Variants in ZNF827 observed in about 807,000 individuals in gnomAD.
The protein encoded by ZNF827 is zinc finger protein 827.
A neutral mutation model predicts 102.4 loss-of-function variants in ZNF827; 13 were observed. The observed-to-expected ratio is 0.13, with a 90% CI of 0.08 to 0.20. The LOEUF (loss-of-function observed/expected upper bound fraction) is 0.20. Among genes scored for constraint, ZNF827 ranks in the 10% least tolerant of loss-of-function variants. The pLI is 1.00. For missense variants in ZNF827, 1,103 were observed against 1,344.4 expected, an observed-to-expected ratio of 0.82 and a Z score of 2.81; for synonymous variants, 523 against 536.2, an observed-to-expected ratio of 0.98 and a Z score of 0.34.
chr4:145,825,079 G>A (rs887274309), intron 7 of ZNF827, among the ~76,000 whole-genome samples: 2 of 152,300 alleles, frequency 1.3e-5, no homozygotes, highest in African/African-American at 4.8e-5. Flanking sequence ...CAGATATGTC[G>A]CTTTCTACCA....
intron 1 of ZNF827, among the ~76,000 whole-genome samples, chr4:145,930,395 A>T (rs562272918): frequency 6.6e-6 from 1 of 152,188 alleles, no homozygotes; most frequent in Non-Finnish European, 1.5e-5. Context: ...TTCCCTTCAC[A>T]TCACAATTCT....
At chr4:145,913,997 A>C (rs952108389) in intron 1 of ZNF827, among the ~76,000 whole-genome samples, 3 of 152,100 alleles carry the variant, frequency 2.0e-5, no homozygotes, top group Non-Finnish European at 4.4e-5. Context: ...ATAGCATTCT[A>C]TGGATAGATA....
chr4:145,921,351 A>G (rs1420101693), intron 1 of ZNF827, among the ~76,000 whole-genome samples: 1 of 151,954 alleles, frequency 6.6e-6, no homozygotes, highest in Non-Finnish European at 1.5e-5. Context: ...GAAAATGCCT[A>G]AAAGATCTTA....
chr4:145,893,120 T>C (rs1325899932), intron 2 of ZNF827, among the ~76,000 whole-genome samples: 3 of 152,220 alleles, frequency 2.0e-5, no homozygotes, highest in African/African-American at 7.2e-5. Flanking sequence ...CTGGGCCTCA[T>C]TGCCCACTTT....
At chr4:145,921,947 A>T (rs1753099732) in intron 1 of ZNF827, among the ~76,000 whole-genome samples, 1 of 152,220 alleles carries the variant, frequency 6.6e-6, no homozygotes, top group Admixed American at 6.5e-5. Flanking sequence ...TATTTACAAG[A>T]AACAAAGGTA....
At position 145,759,350 on chromosome 4, in the gene ZNF827, C is replaced by G. The variant is rs1734214513; in HGVS notation, c.*2266G>C. 1 of 152,182 alleles carries G rather than the reference C, an allele frequency of 6.6e-6. No individual in the cohort carries two copies. The highest frequency in any genetic ancestry group is 1.5e-5 in the Non-Finnish European group (1 of 68,040). 9.4% of individuals were successfully genotyped at this position (152,182 alleles called of 1,614,324 possible). Reference sequence around the variant, plus strand: ...AAAGAGCTTTACAACCAACCCACACCTGCTTCCTGCTGCAATAAAGTGCTG... The same window carrying G: ...AAAGAGCTTTACAACCAACCCACACGTGCTTCCTGCTGCAATAAAGTGCTG... On this transcript the variant is annotated 3_prime_UTR_variant, in exon 15 of 15. Coordinates refer to ENST00000508784, the MANE Select transcript of ZNF827 (RefSeq NM_001306215.2).
chr4:145,916,510 A>G (rs552867573), intron 1 of ZNF827, among the ~76,000 whole-genome samples: 1 of 152,216 alleles, frequency 6.6e-6, no homozygotes, highest in South Asian at 2.1e-4. Context: ...TGGGCCTGTG[A>G]TGGAAGGGGA....
In ZNF827 at chr4:145,938,371, G is replaced by C; in HGVS notation, c.37C>G (p.Pro13Ala). Residue 13 changes from proline (P) to alanine (A), a missense_variant, in exon 1 of 15, where the codon CCC becomes GCC. Physicochemically the swap from Pro to Ala is conservative, Grantham distance 27. Transcript: ENST00000508784. ...RRKQEQPKRL[P>A]SHVSRQEEAE... Reference sequence around the variant, plus strand: ...TGGAGAAGGGATGACTTACGTGAGGGAAGGCGCTTGGGCTGCTCCTGCTTC... The same window carrying C: ...TGGAGAAGGGATGACTTACGTGAGGCAAGGCGCTTGGGCTGCTCCTGCTTC... The C allele has an allele frequency of 1.9e-6, 3 of 1,613,554 alleles. No homozygotes were observed. The highest frequency in any genetic ancestry group is 2.5e-6 in the Non-Finnish European group (3 of 1,179,972).
At chr4:145,875,190 T>G (rs1384175329) in intron 4 of ZNF827, among the ~76,000 whole-genome samples, 1 of 152,216 alleles carries the variant, frequency 6.6e-6, no homozygotes, top group Non-Finnish European at 1.5e-5. Context: ...ATCATTTGTT[T>G]TAACAACGTA....
At chr4:145,782,336 C>T (rs1221700656) in intron 8 of ZNF827, among the ~76,000 whole-genome samples, 1 of 152,144 alleles carries the variant, frequency 6.6e-6, no homozygotes, top group African/African-American at 2.4e-5. Flanking sequence ...GAAGCAAAGG[C>T]CCGTTCTTTT....
chr4:145,916,264 G>A (rs1752659802), intron 1 of ZNF827, among the ~76,000 whole-genome samples: 1 of 152,224 alleles, frequency 6.6e-6, no homozygotes, highest in Non-Finnish European at 1.5e-5. Flanking sequence ...GATGAAGGAA[G>A]CCATATGCCC....
chr4:145,898,612 C>T (rs1035424428), intron 2 of ZNF827, among the ~76,000 whole-genome samples: 1 of 152,168 alleles, frequency 6.6e-6, no homozygotes, highest in African/African-American at 2.4e-5. Context: ...TCTATCGTGT[C>T]CCCTTTCAGA....
chr4:145,936,280 C>T (rs894372049), intron 1 of ZNF827, among the ~76,000 whole-genome samples: 1 of 152,112 alleles, frequency 6.6e-6, no homozygotes, highest in Admixed American at 6.6e-5. Context: ...CAGCGCGGAG[C>T]CTCCCAACTC....
At chr4:145,796,393 C>T (rs941097100) in intron 8 of ZNF827, among the ~76,000 whole-genome samples, 15 of 152,076 alleles carry the variant, frequency 9.9e-5, no homozygotes, top group Non-Finnish European at 1.9e-4. Flanking sequence ...ATTAGGTTAG[C>T]GGAGCAAGGA....
intron 1 of ZNF827, among the ~76,000 whole-genome samples, chr4:145,904,158 G>A (rs1156812701): frequency 6.6e-6 from 1 of 152,116 alleles, no homozygotes; most frequent in Non-Finnish European, 1.5e-5. Context: ...CTTTTCTCAC[G>A]ATATTCCTTC....
In ZNF827 at chr4:145,760,977, G is replaced by T. The variant is rs1346797981; in HGVS notation, c.*639C>A. On this transcript the variant is annotated 3_prime_UTR_variant, in exon 15 of 15. Coordinates refer to ENST00000508784, the MANE Select transcript of ZNF827 (RefSeq NM_001306215.2). ...ACTTGTCAAAGCGCAAAGGGGAGCC[G>T]TTGAAGGCCAAAGCCTTGAGTGCCA... 8.0e-7 allele frequency: 1 copy of T among 1,246,470 alleles called. No homozygotes were observed. The highest frequency in any genetic ancestry group is 1.6e-5 in the African/African-American group (1 of 64,210). The allele number at this position is 1,246,470 out of a possible 1,614,324, so 77.2% of individuals were successfully genotyped here.
chr4:145,859,650 T>C (rs1317905992), intron 5 of ZNF827, among the ~76,000 whole-genome samples: 2 of 152,222 alleles, frequency 1.3e-5, no homozygotes, highest in Admixed American at 1.3e-4. Flanking sequence ...TTACAAGTAG[T>C]GTAAGCGACT....
intron 11 of ZNF827, among the ~76,000 whole-genome samples, chr4:145,772,057 C>T (rs912444350): frequency 1.3e-5 from 2 of 152,174 alleles, no homozygotes; most frequent in Admixed American, 6.5e-5. Flanking sequence ...TCAGTGTGTG[C>T]TTTCCTCCAT....
intron 6 of ZNF827, 108 bp from the exon 7 acceptor site, chr4:145,846,121 G>T: frequency 9.5e-7 from 1 of 1,054,908 alleles, no homozygotes; most frequent in Non-Finnish European, 1.4e-6. Context: ...TTCCTTTGTG[G>T]TTTTCTTTTG....
Sources: gnomAD v4.1 joint callset for allele counts (sites outside exome capture counted in the v4.1 genomes callset) on GRCh38, gnomAD v4.1.1 for gene constraint, MANE v1.5 for transcripts, NCBI Gene and HGNC (gene_info 2026-07-23, HGNC 2026-07-21) for gene names.